CLEC16A: variants seen among roughly 807,000 people sequenced by gnomAD.
CLEC16A encodes C-type lectin domain containing 16A, also known as protein CLEC16A.
In CLEC16A, 51 loss-of-function variants were observed where a neutral mutation model predicts 109.5. The ratio of observed to expected loss-of-function variants is 0.47; its 90% CI spans 0.37 to 0.59. CLEC16A has a LOEUF of 0.59. CLEC16A is among the 20% of genes least tolerant of loss of function. The pLI, the probability that CLEC16A is intolerant of heterozygous loss-of-function variation, is 0.00. For synonymous variants in CLEC16A, 673 were observed against 564.2 expected (o/e 1.19, Z -2.73); for missense variants, 1,339 against 1,394.0 (o/e 0.96, Z 0.63).
intron 3 of CLEC16A, among the ~76,000 whole-genome samples, chr16:10,968,738 A>C (rs2042635266): frequency 6.6e-6 from 1 of 152,104 alleles, no homozygotes. Flanking sequence ...AGGAGGAAAA[A>C]AACCCTACTG....
intron 19 of CLEC16A, among the ~76,000 whole-genome samples, chr16:11,065,188 G>A (rs2048696104): frequency 6.6e-6 from 1 of 152,138 alleles, no homozygotes; most frequent in South Asian, 2.1e-4. Flanking sequence ...GATTCCTTGG[G>A]ATTGACCTCA....
chr16:11,074,535 A>G (rs993312219), intron 19 of CLEC16A, among the ~76,000 whole-genome samples: 2 of 152,124 alleles, frequency 1.3e-5, no homozygotes, highest in African/African-American at 4.8e-5. Flanking sequence ...TGATTATTTG[A>G]TTGGTACCTG....
intron 22 of CLEC16A, among the ~76,000 whole-genome samples, chr16:11,158,808 T>C (rs1161387981): frequency 6.6e-6 from 1 of 151,900 alleles, no homozygotes; most frequent in Non-Finnish European, 1.5e-5. Context: ...TAGTCCCAGC[T>C]ACTTGGGAGA....
At chr16:11,034,551 T>G (rs1307217572) in intron 13 of CLEC16A, among the ~76,000 whole-genome samples, 1 of 152,084 alleles carries the variant, frequency 6.6e-6, no homozygotes, top group Non-Finnish European at 1.5e-5. Context: ...TTGGATTCTT[T>G]GAATGAGTTA....
chr16:11,178,663 T>C lies in CLEC16A; in HGVS notation c.3135T>C (p.Ala1045=), dbSNP rs370377622. Residue 1045 remains alanine, a synonymous_variant, in exon 24 of 24, where the codon GCT becomes GCC. Transcript: ENST00000409790. This position sits in a 1 kb window ranked among gnomAD's most constrained non-coding sequence, Gnocchi z 6.5. ...TEPVGEEAAC[A]EPVGTAED ...CCGTGGGCGAAGAGGCTGCATGTGC[T>C]GAGCCTGTGGGCACCGCTGAGGACT... is the stretch of plus-strand genomic sequence containing the variant. 1 of 1,543,412 alleles carries C rather than the reference T, an allele frequency of 6.5e-7. No homozygotes were observed. Among genetic ancestry groups the C allele is most frequent in the Non-Finnish European group, 8.7e-7 (1 of 1,149,886 alleles).
At chr16:10,974,574 C>T (rs1485194316) in intron 7 of CLEC16A, among the ~76,000 whole-genome samples, 1 of 152,226 alleles carries the variant, frequency 6.6e-6, no homozygotes, top group Non-Finnish European at 1.5e-5. Flanking sequence ...TGTCCCCAGA[C>T]ATTGCCAAAT....
intron 1 of CLEC16A, among the ~76,000 whole-genome samples, chr16:10,951,085 C>G (rs1026564635): frequency 9.9e-5 from 15 of 152,206 alleles, no homozygotes; most frequent in Non-Finnish European, 1.8e-4. Context: ...AAATTAGTGA[C>G]TCTTGAGAAA....
intron 13 of CLEC16A, among the ~76,000 whole-genome samples, chr16:11,038,884 C>T (rs1479869419): frequency 1.3e-5 from 2 of 152,146 alleles, no homozygotes; most frequent in African/African-American, 4.8e-5. Flanking sequence ...TAATGTCACC[C>T]TCAGGGGCAG....
At chr16:11,064,945 T>A (rs550375061) in intron 19 of CLEC16A, among the ~76,000 whole-genome samples, 1 of 152,202 alleles carries the variant, frequency 6.6e-6, no homozygotes, top group Admixed American at 6.5e-5. Flanking sequence ...CTGAAACTCA[T>A]CCTGCTGGGC....
Position 10,961,969 on chromosome 16 carries a change from T to C in CLEC16A, c.210-486T>C, listed in dbSNP as rs975080263. 1.2e-4 allele frequency among the ~76,000 whole-genome samples: 1 copy of C among 8,364 alleles called. No individual in the cohort carries two copies. The highest frequency in any genetic ancestry group is 2.2e-4 in the Non-Finnish European group (1 of 4,456). The allele number at this position is 8,364 out of a possible 152,430, so 5.5% of individuals were successfully genotyped here. A position where few individuals can be genotyped will look rare whatever the true frequency, so the allele number is the denominator to read the frequency against. On this transcript the variant is annotated intron_variant, in intron 2 of 23. Coordinates refer to ENST00000409790, the MANE Select transcript of CLEC16A (RefSeq NM_015226.3). This position sits in a 1 kb window ranked among gnomAD's most constrained non-coding sequence, Gnocchi z 4.3. ...TGGGAACTTTTTTTTCTTTTTTTTC[T>C]TTTTTTTTTTTTTGGCTCTGTCACC...
At chr16:11,117,432 G>GT (rs959868951) in intron 19 of CLEC16A, among the ~76,000 whole-genome samples, 36 of 151,980 alleles carry the variant, frequency 2.4e-4, no homozygotes, top group African/African-American at 8.2e-4. Context: ...TGTAGGGATA[G>GT]TTTTTTTTAA....
chr16:11,019,820 G>A (rs2045988724), intron 11 of CLEC16A, among the ~76,000 whole-genome samples: 1 of 152,038 alleles, frequency 6.6e-6, no homozygotes, highest in Non-Finnish European at 1.5e-5. Context: ...TGTCAGTGAG[G>A]TTGATTATGT....
intron 22 of CLEC16A, among the ~76,000 whole-genome samples, chr16:11,164,578 T>C (rs2054838440): frequency 6.6e-6 from 1 of 152,138 alleles, no homozygotes; most frequent in Non-Finnish European, 1.5e-5. Context: ...ATAACCTGGG[T>C]GTCATCCCCT....
chr16:11,059,210 A>G lies in CLEC16A; in HGVS notation c.1996-1692A>G, dbSNP rs542530237. Among the ~76,000 whole-genome samples the G allele has an allele frequency of 4.2e-4, 64 of 152,260 alleles. 1 individual carries two copies. Among genetic ancestry groups the G allele is most frequent in the African/African-American group, 1.4e-3 (59 of 41,548 alleles). The stretch of plus-strand genomic sequence containing the variant: ...CACCCCGTAAGTGCTTAAAAAATAG[A>G]AGTTCTTTTGAATTTTTTAATGGAA... On this transcript the variant is annotated intron_variant, in intron 18 of 23. Transcript: ENST00000409790.
chr16:11,153,618 A>G (rs1433609505), intron 22 of CLEC16A, among the ~76,000 whole-genome samples: 1 of 151,256 alleles, frequency 6.6e-6, no homozygotes, highest in African/African-American at 2.4e-5. Flanking sequence ...TCTGTGAATC[A>G]ATTCCTCCTT....
intron 22 of CLEC16A, among the ~76,000 whole-genome samples, chr16:11,145,470 A>T (rs2054012898): frequency 6.6e-6 from 1 of 152,176 alleles, no homozygotes; most frequent in African/African-American, 2.4e-5. Context: ...TACCTGGGAG[A>T]TGCAGTCATG....
chr16:11,003,351 G>A (rs2044785835), intron 11 of CLEC16A, 46 bp downstream of exon 11: 2 of 1,531,632 alleles, frequency 1.3e-6, no homozygotes, highest in Non-Finnish European at 1.8e-6. Flanking sequence ...CCGCCAGCCA[G>A]CCCGCCAGCG....
At chr16:11,009,182 C>A (rs1271626514) in intron 11 of CLEC16A, among the ~76,000 whole-genome samples, 1 of 152,154 alleles carries the variant, frequency 6.6e-6, no homozygotes, top group African/African-American at 2.4e-5. Flanking sequence ...TGGAATCATA[C>A]AGTATTGTCT....
chr16:11,052,761 C>T lies in CLEC16A; in HGVS notation c.1995+1120C>T, dbSNP rs1271775250. Among the ~76,000 whole-genome samples the T allele has an allele frequency of 2.6e-5, 4 of 152,218 alleles. 1 individual carries two copies. On this transcript the variant is annotated intron_variant, in intron 18 of 23. Transcript: ENST00000409790. Reference sequence around the variant, plus strand: ...TTCATGATGCTGACGTGCTCACCCCCAGCCAGGGCTACAGCATCCTGTGCC... The same window carrying T: ...TTCATGATGCTGACGTGCTCACCCCTAGCCAGGGCTACAGCATCCTGTGCC...
Sources: allele counts gnomAD v4.1 joint callset (sites outside exome capture counted in the v4.1 genomes callset), GRCh38; gene constraint gnomAD v4.1.1; non-coding constraint Gnocchi (gnomAD v3.1); transcripts MANE v1.5; gene names NCBI Gene and HGNC (gene_info 2026-07-23, HGNC 2026-07-21).